The following ALDH1L1 variants were observed in gnomAD, a reference collection of about 807,000 sequenced individuals.
ALDH1L1 encodes cytosolic 10-formyltetrahydrofolate dehydrogenase.
ALDH1L1 carries 68 observed loss-of-function variants against 101.1 expected under a neutral mutation model. The observed-to-expected ratio is 0.67, with a 90% CI of 0.55 to 0.82. ALDH1L1 has a LOEUF of 0.82. Among genes scored for constraint, ALDH1L1 ranks in the 40% least tolerant of loss-of-function variants. ALDH1L1 has a pLI of 0.00. For synonymous variants in ALDH1L1, 486 were observed against 470.8 expected, an observed-to-expected ratio of 1.03 and a Z score of -0.42; for missense variants, 1,087 against 1,172.7, an observed-to-expected ratio of 0.93 and a Z score of 1.07.
chr3:126,179,478 C>A (rs2081429028), intron 1 of ALDH1L1, among the ~76,000 whole-genome samples: 1 of 150,370 alleles, frequency 6.7e-6, no homozygotes, highest in Non-Finnish European at 1.5e-5. Context: ...CCAGCCTGGG[C>A]GACAGAGCGA....
intron 16 of ALDH1L1, among the ~76,000 whole-genome samples, 195 bp downstream of exon 16, chr3:126,124,169 C>T (rs1276988514): frequency 6.6e-6 from 1 of 151,716 alleles, no homozygotes; most frequent in African/African-American, 2.4e-5. Context: ...TCAGCTGGGG[C>T]ATCTGAAGAC....
chr3:126,143,111 C>G (rs1437850779), intron 9 of ALDH1L1, among the ~76,000 whole-genome samples: 1 of 152,162 alleles, frequency 6.6e-6, no homozygotes, highest in Non-Finnish European at 1.5e-5. Flanking sequence ...CTATTTTATA[C>G]TAAAGTTTTG....
intron 12 of ALDH1L1, among the ~76,000 whole-genome samples, chr3:126,134,869 GGAACATCACTCCACC>G (rs2080394907): frequency 2.6e-5 from 4 of 152,060 alleles, no homozygotes; most frequent in Admixed American, 2.6e-4. Flanking sequence ...TCTTCTCCCA[GGAACATCACTCCACC>G]TCTGTGAGGG....
chr3:126,157,087 G>A (rs1576469961), intron 4 of ALDH1L1, among the ~76,000 whole-genome samples: 1 of 152,132 alleles, frequency 6.6e-6, no homozygotes, highest in Non-Finnish European at 1.5e-5. Context: ...TCTATTGAAC[G>A]GGCCCCAAAA....
chr3:126,106,818 G>A (rs4646751), intron 21 of ALDH1L1, among the ~76,000 whole-genome samples: 1 of 151,954 alleles, frequency 6.6e-6, no homozygotes, highest in East Asian at 1.9e-4. Context: ...CACTCAGTGT[G>A]GGGGGTGGTT....
Position 126,105,855 on chromosome 3 carries a change from C to A in ALDH1L1, c.2524G>T (p.Asp842Tyr). 6.2e-7 allele frequency: 1 copy of A among 1,614,224 alleles called. No homozygotes were observed. The highest frequency in any genetic ancestry group is 8.5e-7 in the Non-Finnish European group (1 of 1,180,046). Reference protein sequence around the residue: ...FGLASGVFTRDINKALYVSDK... With the variant: ...FGLASGVFTRYINKALYVSDK... Reference sequence around the variant, plus strand: ...CTGACATACAGGGCCTTGTTGATGTCCCTGGTGAAGACACCAGAAGCCAGG... The same window carrying A: ...CTGACATACAGGGCCTTGTTGATGTACCTGGTGAAGACACCAGAAGCCAGG... The change falls in exon 22 of 23, where the codon GAC becomes TAC. Residue 842 changes from aspartate to tyrosine, a missense_variant. By Grantham distance (160) the Asp-to-Tyr change is radical (BLOSUM62 -3). Around this residue, in one of 2 missense-constraint regions of ALDH1L1, gnomAD observed 442 missense variants for 535.7 expected, o/e 0.83. Transcript: ENST00000393434.
intron 14 of ALDH1L1, chr3:126,129,714 G>C (rs1425654847): frequency 6.6e-6 from 1 of 152,348 alleles, no homozygotes; most frequent in Non-Finnish European, 1.5e-5. Context: ...CTCTAGCAGG[G>C]AAAACCCAGA....
At chr3:126,132,175 C>T (rs1162462770) in intron 12 of ALDH1L1, among the ~76,000 whole-genome samples, 1 of 152,228 alleles carries the variant, frequency 6.6e-6, no homozygotes. Flanking sequence ...GGGTGCCCCT[C>T]TCATCCCCTA....
chr3:126,129,394 A>T (rs528558141), intron 14 of ALDH1L1: 3 of 152,386 alleles, frequency 2.0e-5, no homozygotes, highest in Non-Finnish European at 2.9e-5. Flanking sequence ...GGTGGGAATG[A>T]CTGTGGTGCT....
intron 16 of ALDH1L1, among the ~76,000 whole-genome samples, chr3:126,124,107 GCGGACACA>G (rs1403487217): frequency 1.6e-5 from 2 of 126,164 alleles, no homozygotes; most frequent in African/African-American, 6.2e-5. Context: ...TCCAGGGCGC[GCGGACACA>G]CACACACACA....
chr3:126,150,559 T>A, intron 7 of ALDH1L1, 28 bp from the exon 8 acceptor site: 1 of 1,544,436 alleles, frequency 6.5e-7, no homozygotes, highest in Non-Finnish European at 8.8e-7. Context: ...TCTTTTCTTT[T>A]CTTTTCTTTT....
At chr3:126,130,346 C>T (rs1204594608) in intron 13 of ALDH1L1, 53 bp from the exon 14 acceptor site, 1 of 1,482,780 alleles carries the variant, frequency 6.7e-7, no homozygotes, top group African/African-American at 1.4e-5. Context: ...ACACCCCTTC[C>T]CCTCTAGGCA....
At position 126,124,349 on chromosome 3, in the gene ALDH1L1, G is replaced by A. The variant is rs748273896; in HGVS notation, c.1888+15C>T. 2.1e-5 allele frequency: 34 copies of A among 1,603,464 alleles called. No individual in the cohort carries two copies. The highest frequency in any genetic ancestry group is 1.6e-4 in the East Asian group (7 of 43,982). On this transcript the variant is annotated intron_variant, in intron 16 of 22. Coordinates refer to ENST00000393434, the MANE Select transcript of ALDH1L1 (RefSeq NM_012190.4). ...TGCCAGAAGCCCTAGCCCTGCCCCC[G>A]ACAATGGCTCTTACCAGATCCTGGG...
At chr3:126,171,848 C>T (rs965398057) in intron 1 of ALDH1L1, among the ~76,000 whole-genome samples, 1 of 152,154 alleles carries the variant, frequency 6.6e-6, no homozygotes, top group Non-Finnish European at 1.5e-5. Context: ...CTCACTGAAA[C>T]ACTAAGACCT....
chr3:126,165,470 T>C (rs932206635), intron 1 of ALDH1L1, among the ~76,000 whole-genome samples: 3 of 152,182 alleles, frequency 2.0e-5, no homozygotes, highest in African/African-American at 7.2e-5. Context: ...TCCTTTTCAA[T>C]TTTTTTGTAA....
chr3:126,136,617 C>T (rs932791682), intron 11 of ALDH1L1, 147 bp downstream of exon 11: 39 of 1,339,946 alleles, frequency 2.9e-5, no homozygotes, highest in Admixed American at 2.9e-4. Flanking sequence ...GGGCTGGAAA[C>T]GACCTGGCAT....
rs2080587305 is a variant in ALDH1L1 at position 126,142,501 on chromosome 3, C to T, written c.1076+4334G>A. 2.0e-5 allele frequency among the ~76,000 whole-genome samples: 3 copies of T among 152,026 alleles called. No individual in the cohort carries two copies. The South Asian group carries it at 6.2e-4, about 32-fold the overall frequency. ...ATTTTAAGAATATTACATACCATGA[C>T]CAAGTGGGATTAATTCTTGGAATGC... On this transcript the variant is annotated intron_variant, in intron 9 of 22. Coordinates refer to ENST00000393434, the MANE Select transcript of ALDH1L1 (RefSeq NM_012190.4).
At chr3:126,164,335 G>T (rs2081121775) in intron 1 of ALDH1L1, among the ~76,000 whole-genome samples, 2 of 152,180 alleles carry the variant, frequency 1.3e-5, no homozygotes, top group African/African-American at 2.4e-5. Context: ...ATTGCACCCA[G>T]GTAGTAAGCA....
chr3:126,113,447 C>A (rs190287752), intron 18 of ALDH1L1, among the ~76,000 whole-genome samples: 112 of 152,296 alleles, frequency 7.4e-4, no homozygotes, highest in Middle Eastern at 6.8e-3. Flanking sequence ...AGGCCCCAGG[C>A]AGCCTGCTTT....
Sources: allele counts gnomAD v4.1 joint callset (sites outside exome capture counted in the v4.1 genomes callset), GRCh38; gene constraint gnomAD v4.1.1; regional missense constraint gnomAD v4.1.1; transcripts MANE v1.5; gene names NCBI Gene and HGNC (gene_info 2026-07-23, HGNC 2026-07-21).